DOCK2: variants seen among roughly 807,000 people sequenced by gnomAD.
The protein encoded by DOCK2 is dedicator of cytokinesis 2, also known as dedicator of cytokinesis protein 2.
In DOCK2, 87 loss-of-function variants were observed where a neutral mutation model predicts 248.9. That is an observed-to-expected ratio of 0.35 (90% confidence interval 0.29 to 0.42). The LOEUF is 0.42. Among genes scored for constraint, DOCK2 ranks in the 10% least tolerant of loss-of-function variants. The pLI is 1.00. For synonymous variants in DOCK2, 805 were observed against 821.6 expected (o/e 0.98, Z 0.35); for missense variants, 1,747 against 2,300.2 (o/e 0.76, Z 4.92).
At chr5:169,658,966 A>G (rs976173030) in intron 2 of DOCK2, among the ~76,000 whole-genome samples, 1 of 149,392 alleles carries the variant, frequency 6.7e-6, no homozygotes, top group Non-Finnish European at 1.5e-5. Flanking sequence ...ATTTGCTTCC[A>G]ATCTACAAGA....
At chr5:170,038,865 G>T (rs1756412214) in intron 36 of DOCK2, among the ~76,000 whole-genome samples, 1 of 152,114 alleles carries the variant, frequency 6.6e-6, no homozygotes, top group African/African-American at 2.4e-5. Context: ...CAGGTTTTTT[G>T]AACTCAGCCA....
chr5:170,065,079 A>G (rs569771032), intron 44 of DOCK2, among the ~76,000 whole-genome samples: 74 of 152,308 alleles, frequency 4.9e-4, no homozygotes, highest in African/African-American at 1.8e-3. Flanking sequence ...AAAGATAGAA[A>G]TTATTTTTCA....
At position 170,040,798 on chromosome 5, in the gene DOCK2, A is replaced by C. The variant is rs1756489606; in HGVS notation, c.3666-257A>C. On this transcript the variant is annotated intron_variant, in intron 36 of 51. Transcript: ENST00000520908. Reference sequence around the variant, plus strand: ...TCATCTGAAAAGAGGAATTCCTGAGACTCATCTCATAGGGTTGTCATAAAT... The same window carrying C: ...TCATCTGAAAAGAGGAATTCCTGAGCCTCATCTCATAGGGTTGTCATAAAT... 2.2e-5 allele frequency: 9 copies of C among 410,738 alleles called. 1 individual carries two copies. Among genetic ancestry groups the C allele is most frequent in the South Asian group, 9.6e-5 (2 of 20,746 alleles). 25.4% of individuals were successfully genotyped at this position (410,738 alleles called of 1,614,324 possible).
rs766559269 is a variant in DOCK2, at chr5:169,718,732, G to A, written c.2208G>A (p.Thr736=). ...AGCAATGTGAGCCAATCCTAAGAAC[G>A]CTGAAGGCTTTGGAATATGTGTTCA... The part of the protein sequence containing the change: ...RGEQCEPILR[T]LKALEYVFKF... Residue 736 remains threonine (T), a synonymous_variant, in exon 22 of 52, where the codon ACG becomes ACA. Coordinates refer to ENST00000520908, the MANE Select transcript of DOCK2 (RefSeq NM_004946.3). 65 of 1,613,960 alleles carry A rather than the reference G, an allele frequency of 4.0e-5. No individual in the cohort carries two copies. In the Middle Eastern group the frequency reaches 6.6e-4, roughly 16 times the overall value.
intron 27 of DOCK2, among the ~76,000 whole-genome samples, chr5:169,956,875 G>C (rs76271069): frequency 6.6e-6 from 1 of 152,136 alleles, no homozygotes; most frequent in African/African-American, 2.4e-5. Context: ...TAAGGAAAAT[G>C]TGTAGGATGT....
chr5:169,939,904 A>G (rs570786716), intron 27 of DOCK2, among the ~76,000 whole-genome samples: 1 of 152,316 alleles, frequency 6.6e-6, no homozygotes, highest in Admixed American at 6.5e-5. Context: ...AGAGTTGATC[A>G]TTTCCCATTT....
intron 50 of DOCK2, chr5:170,081,529 A>G: frequency 3.2e-6 from 1 of 308,592 alleles, no homozygotes; most frequent in Non-Finnish European, 6.0e-6. Flanking sequence ...GAGGAAGAGT[A>G]AGCTCACACT....
At chr5:169,663,886 C>T (rs1031928335) in intron 2 of DOCK2, among the ~76,000 whole-genome samples, 1 of 152,232 alleles carries the variant, frequency 6.6e-6, no homozygotes, top group Non-Finnish European at 1.5e-5. Context: ...TAACATTCAG[C>T]TCCTTGTTAC....
intron 28 of DOCK2, among the ~76,000 whole-genome samples, chr5:169,983,470 G>A (rs6873329): frequency 0.16 from 24,083 of 152,176 alleles, 2,370 homozygotes; most frequent in Non-Finnish European, 0.22. Context: ...GGGCTAAGAA[G>A]GGGTTGCACG....
At chr5:169,718,585 C>T (rs1476929405) in intron 21 of DOCK2, 72 bp from the exon 22 acceptor site, 3 of 1,542,994 alleles carry the variant, frequency 1.9e-6, no homozygotes, top group Non-Finnish European at 1.8e-6. Context: ...GATTGAATGC[C>T]TTATAATTTA....
intron 22 of DOCK2, among the ~76,000 whole-genome samples, chr5:169,727,152 A>G (rs1408607732): frequency 6.6e-6 from 1 of 152,156 alleles, no homozygotes; most frequent in Non-Finnish European, 1.5e-5. Flanking sequence ...TCTAAATACA[A>G]TCTGTGAAAT....
chr5:169,921,182 A>G (rs56193837), intron 27 of DOCK2, among the ~76,000 whole-genome samples: 3,491 of 152,332 alleles, frequency 0.023, 55 homozygotes, highest in Middle Eastern at 0.065. Flanking sequence ...GGATAGGGAA[A>G]GTACTCAGAA....
chr5:169,886,864 C>T (rs918584619), intron 27 of DOCK2, among the ~76,000 whole-genome samples: 5 of 152,198 alleles, frequency 3.3e-5, no homozygotes, highest in African/African-American at 9.6e-5. Context: ...TTGTCTGAGG[C>T]TGGTTTTCAT....
At chr5:169,931,675 G>C (rs1248137855) in intron 27 of DOCK2, among the ~76,000 whole-genome samples, 3 of 152,196 alleles carry the variant, frequency 2.0e-5, no homozygotes, top group Non-Finnish European at 4.4e-5. Context: ...GTGTGAGATG[G>C]TGGTGAGGGT....
intron 2 of DOCK2, among the ~76,000 whole-genome samples, chr5:169,658,324 C>CA (rs1465334514): frequency 1.3e-5 from 2 of 151,370 alleles, no homozygotes; most frequent in Non-Finnish European, 1.5e-5. Context: ...ACTAAAAATA[C>CA]AAAAAATTAG....
intron 23 of DOCK2, among the ~76,000 whole-genome samples, chr5:169,757,828 C>T (rs1480647637): frequency 6.6e-6 from 1 of 152,092 alleles, no homozygotes; most frequent in Admixed American, 6.5e-5. Flanking sequence ...AGATGCTCAA[C>T]CATACTAGCC....
chr5:169,769,716 C>T lies in DOCK2; in HGVS notation c.2554+8091C>T, dbSNP rs185500483. Among the ~76,000 whole-genome samples, 548 of 152,268 alleles carry T rather than the reference C, an allele frequency of 3.6e-3. 2 individuals are homozygous for T. The highest frequency in any genetic ancestry group is 5.6e-3 in the Admixed American group (85 of 15,296). The stretch of plus-strand genomic sequence containing the variant: ...CCAAGGGGCTTTGGATGCAGGTGGC[C>T]CTTGACCTCTCTCAAATGGGAGACA... On this transcript the variant is annotated intron_variant, in intron 25 of 51. Transcript: ENST00000520908.
intron 41 of DOCK2, among the ~76,000 whole-genome samples, chr5:170,051,361 G>A (rs76536361): frequency 0.068 from 10,371 of 152,092 alleles, 883 homozygotes; most frequent in African/African-American, 0.2. Context: ...TCTGACCACA[G>A]GGTTCTTGTT....
intron 2 of DOCK2, among the ~76,000 whole-genome samples, chr5:169,663,139 A>G (rs183298862): frequency 2.6e-5 from 4 of 152,348 alleles, no homozygotes; most frequent in Non-Finnish European, 5.9e-5. Flanking sequence ...TGCAAGTCCA[A>G]AACCCAGCTG....
Sources: allele counts gnomAD v4.1 joint callset (sites outside exome capture counted in the v4.1 genomes callset), GRCh38; gene constraint gnomAD v4.1.1; transcripts MANE v1.5; gene names NCBI Gene and HGNC (gene_info 2026-07-23, HGNC 2026-07-21).